Variants in EFNA5 observed in about 807,000 individuals in gnomAD.
EFNA5 encodes the protein ephrin A5, also known as ephrin-A5.
A neutral mutation model predicts 22.9 loss-of-function variants in EFNA5; 5 were observed. The observed-to-expected ratio is 0.22, with a 90% confidence interval of 0.11 to 0.46. The LOEUF (loss-of-function observed/expected upper bound fraction) is 0.46. EFNA5 is among the 20% of genes least tolerant of loss of function. The pLI, the probability that EFNA5 is intolerant of heterozygous loss-of-function variation, is 0.99. For synonymous variants in EFNA5, 113 were observed against 112.2 expected, an observed-to-expected ratio of 1.01 and a Z score of -0.04; for missense variants, 237 against 293.3, an observed-to-expected ratio of 0.81 and a Z score of 1.40.
chr5:107,427,057 CA>C (rs1424994497), intron 2 of EFNA5, 159 bp downstream of exon 2: 2 of 752,814 alleles, frequency 2.7e-6, no homozygotes, highest in Non-Finnish European at 4.3e-6. Context: ...TTTGTGCTCT[CA>C]ATTCCCAGCT....
chr5:107,397,739 C>CA, intron 2 of EFNA5, among the ~76,000 whole-genome samples: 1 of 152,268 alleles, frequency 6.6e-6, no homozygotes, highest in Middle Eastern at 3.4e-3. Flanking sequence ...GAGGCCTGAA[C>CA]AAATTAACGT....
intron 1 of EFNA5, among the ~76,000 whole-genome samples, chr5:107,631,897 T>A (rs1750262277): frequency 6.6e-6 from 1 of 152,198 alleles, no homozygotes; most frequent in Non-Finnish European, 1.5e-5. Context: ...CACTGCTGCA[T>A]CACAGGATGG....
At chr5:107,484,600 T>A (rs547156218) in intron 1 of EFNA5, among the ~76,000 whole-genome samples, 2 of 152,284 alleles carry the variant, frequency 1.3e-5, no homozygotes, top group South Asian at 4.1e-4. Flanking sequence ...GCCCAAGATT[T>A]TACTCTAAGA....
At chr5:107,587,043 T>C (rs1208239004) in intron 1 of EFNA5, among the ~76,000 whole-genome samples, 1 of 152,212 alleles carries the variant, frequency 6.6e-6, no homozygotes, top group Non-Finnish European at 1.5e-5. Flanking sequence ...ATGTATCAGA[T>C]TTCTTGTAGA....
chr5:107,380,650 A>G lies in EFNA5; in HGVS notation c.*605T>C, dbSNP rs904851818. On this transcript the variant is annotated 3_prime_UTR_variant, in exon 5 of 5. Coordinates refer to ENST00000333274, the MANE Select transcript of EFNA5 (RefSeq NM_001962.3). ...AAGAATGCTTTAAGACAGTCATATTAAAAAAAAAAACCAGTGTCTCAACCT... is the reference window on the plus strand; with the variant it reads ...AAGAATGCTTTAAGACAGTCATATTGAAAAAAAAAACCAGTGTCTCAACCT... The G allele has an allele frequency of 7.1e-6, 2 of 281,092 alleles. No homozygotes were observed. Among genetic ancestry groups the G allele is most frequent in the African/African-American group, 5.3e-5 (2 of 37,602 alleles). The allele number at this position is 281,092 out of a possible 1,614,324, so 17.4% of individuals were successfully genotyped here.
At chr5:107,428,879 A>C (rs1038074902) in intron 1 of EFNA5, among the ~76,000 whole-genome samples, 1 of 152,216 alleles carries the variant, frequency 6.6e-6, no homozygotes, top group Non-Finnish European at 1.5e-5. Flanking sequence ...ATTACAAAAA[A>C]CAAATCAAAT....
chr5:107,536,014 C>T (rs566993442), intron 1 of EFNA5, among the ~76,000 whole-genome samples: 20 of 152,298 alleles, frequency 1.3e-4, no homozygotes, highest in African/African-American at 4.8e-4. Flanking sequence ...ATATCCCTCT[C>T]CCCACTAGCC....
chr5:107,626,143 C>T (rs926514871), intron 1 of EFNA5, among the ~76,000 whole-genome samples: 4 of 152,192 alleles, frequency 2.6e-5, no homozygotes, highest in African/African-American at 9.7e-5. Flanking sequence ...AAATAGAAGT[C>T]CTAGTCCAAT....
intron 1 of EFNA5, among the ~76,000 whole-genome samples, chr5:107,539,280 A>G (rs1319569838): frequency 6.6e-6 from 1 of 152,230 alleles, no homozygotes; most frequent in Non-Finnish European, 1.5e-5. Context: ...GGCTGCTCCG[A>G]GCCCTGTACA....
intron 1 of EFNA5, among the ~76,000 whole-genome samples, chr5:107,633,557 T>C (rs567529953): frequency 2.4e-4 from 37 of 152,350 alleles, no homozygotes; most frequent in Non-Finnish European, 1.9e-4. Flanking sequence ...CCATCAATTA[T>C]GCACTAGAAT....
intron 1 of EFNA5, among the ~76,000 whole-genome samples, chr5:107,437,202 C>T (rs995364838): frequency 6.6e-6 from 1 of 152,062 alleles, no homozygotes; most frequent in Non-Finnish European, 1.5e-5. Context: ...GGTTTTATGG[C>T]TTTCTTTTAT....
At chr5:107,464,867 A>G (rs1283818622) in intron 1 of EFNA5, among the ~76,000 whole-genome samples, 1 of 151,782 alleles carries the variant, frequency 6.6e-6, no homozygotes, top group Non-Finnish European at 1.5e-5. Context: ...ACTGTTTCCA[A>G]CTCTCCCTCC....
At chr5:107,659,565 A>T (rs192590686) in intron 1 of EFNA5, among the ~76,000 whole-genome samples, 1 of 150,792 alleles carries the variant, frequency 6.6e-6, no homozygotes, top group African/African-American at 2.4e-5. Context: ...GCCCAGAGAC[A>T]ATAAAATGGC....
intron 1 of EFNA5, among the ~76,000 whole-genome samples, chr5:107,446,051 C>T (rs1211544236): frequency 6.6e-6 from 1 of 152,166 alleles, no homozygotes; most frequent in African/African-American, 2.4e-5. Context: ...GGCTCTGCTG[C>T]TACTAACTGT....
intron 1 of EFNA5, among the ~76,000 whole-genome samples, chr5:107,605,628 T>C (rs910169258): frequency 6.6e-6 from 1 of 151,958 alleles, no homozygotes. Flanking sequence ...TATGGTTCAT[T>C]GCCAGCACCT....
intron 1 of EFNA5, among the ~76,000 whole-genome samples, chr5:107,459,193 A>C (rs1166235390): frequency 6.6e-6 from 1 of 152,116 alleles, no homozygotes; most frequent in Non-Finnish European, 1.5e-5. Flanking sequence ...CTGAAGTTTG[A>C]GACCAGCCTG....
At chr5:107,484,788 T>A (rs934297525) in intron 1 of EFNA5, among the ~76,000 whole-genome samples, 11 of 146,572 alleles carry the variant, frequency 7.5e-5, no homozygotes, top group Admixed American at 6.2e-4. Context: ...ACTGTGATAG[T>A]TATGATTTTG....
At chr5:107,401,876 T>C (rs1454685492) in intron 2 of EFNA5, among the ~76,000 whole-genome samples, 6 of 152,160 alleles carry the variant, frequency 3.9e-5, no homozygotes, top group African/African-American at 1.2e-4. Flanking sequence ...TTGTTATGAA[T>C]ATGGAACAGA....
In EFNA5 at chr5:107,430,541, A is replaced by G. The variant is rs1748919986; in HGVS notation, c.126-3032T>C. 2.0e-5 allele frequency among the ~76,000 whole-genome samples: 3 copies of G among 151,994 alleles called. No homozygotes were observed. The South Asian group carries it at 6.2e-4, about 32-fold the overall frequency. ...TAATTCCTTTATTCCACAACTGAAA[A>G]AAAAATGTCAGTTTCTTCATGCCTA... is the stretch of plus-strand genomic sequence containing the variant. On this transcript the variant is annotated intron_variant, in intron 1 of 4. Coordinates refer to ENST00000333274, the MANE Select transcript of EFNA5 (RefSeq NM_001962.3).
Sources: gnomAD v4.1 joint callset for allele counts (sites outside exome capture counted in the v4.1 genomes callset) on GRCh38, gnomAD v4.1.1 for gene constraint, MANE v1.5 for transcripts, NCBI Gene and HGNC (gene_info 2026-07-23, HGNC 2026-07-21) for gene names.